The following IQANK1 variants were observed in gnomAD, a reference collection of about 807,000 sequenced individuals.
The protein encoded by IQANK1 is IQ motif and ankyrin repeat domain-containing protein 1.
IQANK1 carries 30 observed loss-of-function variants against 22.6 expected under a neutral mutation model. The ratio of observed to expected loss-of-function variants is 1.33; its 90% confidence interval spans 0.99 to 1.80. IQANK1 has a LOEUF of 1.80. Among genes scored for constraint, IQANK1 ranks in the 40% most tolerant of loss-of-function variants. The pLI is 0.00. For missense variants in IQANK1, 275 were observed against 235.2 expected, an observed-to-expected ratio of 1.17 and a Z score of -1.11; for synonymous variants, 122 against 99.6, an observed-to-expected ratio of 1.23 and a Z score of -1.34.
At chr8:143,747,239 A>C (rs1819050623) in intron 3 of IQANK1, among the ~76,000 whole-genome samples, 1 of 152,150 alleles carries the variant, frequency 6.6e-6, no homozygotes, top group South Asian at 2.1e-4. Context: ...TGGTCTTGTA[A>C]ATTTTAACCT....
intron 3 of IQANK1, among the ~76,000 whole-genome samples, chr8:143,750,594 G>C (rs1819169935): frequency 1.3e-5 from 2 of 152,076 alleles, no homozygotes; most frequent in Non-Finnish European, 1.5e-5. Flanking sequence ...TCAGTGCTTT[G>C]GGAGGCTGAG....
intron 3 of IQANK1, among the ~76,000 whole-genome samples, chr8:143,765,449 G>A (rs1178524174): frequency 6.6e-6 from 1 of 152,032 alleles, no homozygotes; most frequent in African/African-American, 2.4e-5. Context: ...CAAAATTACT[G>A]GATATAAAAT....
intron 3 of IQANK1, chr8:143,741,705 C>A (rs578154117): frequency 1.3e-5 from 2 of 152,640 alleles, no homozygotes. Context: ...AGCTGACATG[C>A]CTTCGGAGGA....
chr8:143,742,317 T>C (rs556268176), intron 3 of IQANK1: 1 of 448,728 alleles, frequency 2.2e-6, no homozygotes, highest in Admixed American at 2.4e-5. Flanking sequence ...GGGCTTCCCT[T>C]GCTGCTGCCC....
At chr8:143,747,592 A>G (rs1819055430) in intron 3 of IQANK1, among the ~76,000 whole-genome samples, 1 of 150,610 alleles carries the variant, frequency 6.6e-6, no homozygotes, top group African/African-American at 2.5e-5. Flanking sequence ...AGTATTTCCT[A>G]ATTTTCTTTG....
chr8:143,772,541 G>C (rs1367297133), intron 7 of IQANK1, 59 bp downstream of exon 7: 5 of 398,930 alleles, frequency 1.3e-5, no homozygotes, highest in South Asian at 1.3e-4. Context: ...TGTGGGCCTC[G>C]GGAGGTGTGA....
Position 143,771,700 on chromosome 8 carries a change from T to A in IQANK1, c.306+82T>A. ...GGCGAAGCAGGGTGCGTGGTGGGGG[T>A]GAGGCTCAGATCGGGCTCCGACCTC... On this transcript the variant is annotated intron_variant, in intron 4 of 13. Coordinates refer to ENST00000527139, the MANE Select transcript of IQANK1 (RefSeq NM_001381874.1). This position sits in a 1 kb window ranked among gnomAD's most constrained non-coding sequence, Gnocchi z 6.0. 1 of 396,072 alleles carries A rather than the reference T, an allele frequency of 2.5e-6. No homozygotes were observed. 24.5% of individuals were successfully genotyped at this position (396,072 alleles called of 1,614,324 possible).
chr8:143,762,384 G>T (rs1417601562), intron 3 of IQANK1, among the ~76,000 whole-genome samples: 1 of 151,900 alleles, frequency 6.6e-6, no homozygotes, highest in African/African-American at 2.4e-5. Flanking sequence ...AGTGTAGACG[G>T]CTGGATGTTC....
rs1159016760 is a variant in IQANK1 at position 143,739,880 on chromosome 8, C to T, written c.107C>T (p.Pro36Leu). The change falls in exon 3 of 14, where the codon CCG becomes CTG. Residue 36 changes from proline (P) to leucine (L), a missense_variant. Pro to Leu is a moderately conservative substitution (Grantham distance 98). Coordinates refer to ENST00000527139, the MANE Select transcript of IQANK1 (RefSeq NM_001381874.1). ...AAAGKPGENR[P>L]PQRKAGWQAR... ...TTAGGGAAGCCCGGGGAGAACCGCC[C>T]GCCGCAGAGGAAAGCGGGCTGGCAG... 23 of 695,970 alleles carry T rather than the reference C, an allele frequency of 3.3e-5. No homozygotes were observed. Among genetic ancestry groups the T allele is most frequent in the Non-Finnish European group, 5.8e-5 (22 of 382,146 alleles). 43.1% of individuals were successfully genotyped at this position (695,970 alleles called of 1,614,324 possible).
At chr8:143,776,894 T>C (rs1290608967) in intron 7 of IQANK1, among the ~76,000 whole-genome samples, 1 of 152,006 alleles carries the variant, frequency 6.6e-6, no homozygotes, top group African/African-American at 2.4e-5. Context: ...TCATGATTCA[T>C]AGGGTATTGG....
intron 3 of IQANK1, 113 bp downstream of exon 3, chr8:143,740,061 CAT>C (rs1554626262): frequency 5.4e-6 from 3 of 557,006 alleles, no homozygotes. Flanking sequence ...GTCATGTACA[CAT>C]GTGCTTGTGC....
chr8:143,789,324 G>T, intron 9 of IQANK1, 81 bp downstream of exon 9: 1 of 483,272 alleles, frequency 2.1e-6, no homozygotes, highest in Non-Finnish European at 3.3e-6. Context: ...GGAGGGCCAG[G>T]AAGCTGGGGG....
At chr8:143,754,112 A>G (rs1004797647) in intron 3 of IQANK1, among the ~76,000 whole-genome samples, 1 of 152,130 alleles carries the variant, frequency 6.6e-6, no homozygotes, top group Non-Finnish European at 1.5e-5. Flanking sequence ...CTAAGAAGAG[A>G]AAAAGAGAAA....
chr8:143,749,582 A>T (rs74348173), intron 3 of IQANK1, among the ~76,000 whole-genome samples: 44,950 of 129,294 alleles, frequency 0.35, 8,745 homozygotes, highest in South Asian at 0.45. Context: ...ATATATATAT[A>T]TTTTATTTAT....
chr8:143,754,690 A>G (rs545550034), intron 3 of IQANK1, among the ~76,000 whole-genome samples: 1 of 151,984 alleles, frequency 6.6e-6, no homozygotes, highest in East Asian at 1.9e-4. Context: ...CAGTGGCCTG[A>G]TCTCAGCTCA....
At chr8:143,767,670 CCTGTAGT>C (rs1819502687) in intron 3 of IQANK1, among the ~76,000 whole-genome samples, 1 of 151,842 alleles carries the variant, frequency 6.6e-6, no homozygotes, top group South Asian at 2.1e-4. Context: ...TGCATAGTTA[CCTGTAGT>C]CTGTAACTGT....
intron 3 of IQANK1, among the ~76,000 whole-genome samples, chr8:143,767,916 C>T (rs1237280174): frequency 8.3e-6 from 1 of 120,332 alleles, no homozygotes; most frequent in Non-Finnish European, 1.7e-5. Flanking sequence ...CAGAGTCTCG[C>T]TCTGTCGCCC....
chr8:143,773,013 T>C (rs1819611604), intron 7 of IQANK1, among the ~76,000 whole-genome samples: 1 of 152,134 alleles, frequency 6.6e-6, no homozygotes, highest in Non-Finnish European at 1.5e-5. Context: ...GAAAGGACAG[T>C]CTGGCTGTCT....
intron 3 of IQANK1, among the ~76,000 whole-genome samples, chr8:143,748,116 T>G (rs1013377869): frequency 1.3e-5 from 2 of 151,876 alleles, no homozygotes; most frequent in Admixed American, 6.6e-5. Context: ...TGTCTCAGCC[T>G]CCCAAGTAGC....
Sources: gnomAD v4.1 joint callset for allele counts (sites outside exome capture counted in the v4.1 genomes callset) on GRCh38, gnomAD v4.1.1 for gene constraint, Gnocchi (gnomAD v3.1) non-coding constraint, MANE v1.5 for transcripts, NCBI Gene and HGNC (gene_info 2026-07-23, HGNC 2026-07-21) for gene names.